Variants in SAMMSON observed in about 807,000 individuals in gnomAD.
SAMMSON encodes the protein survival associated mitochondrial melanoma specific oncogenic non-coding RNA.
intron 2 of SAMMSON, among the ~76,000 whole-genome samples, chr3:70,407,221 AC>A (rs1428222817): frequency 6.6e-6 from 1 of 152,162 alleles, no homozygotes; most frequent in Non-Finnish European, 1.5e-5. Flanking sequence ...TTGAGTGAGA[AC>A]ACATCCAAGC....
intron 4 of SAMMSON, among the ~76,000 whole-genome samples, chr3:70,148,368 G>A (rs140521956): frequency 4.2e-4 from 64 of 152,180 alleles, no homozygotes; most frequent in African/African-American, 1.2e-3. Context: ...TGTCATGAAA[G>A]GTAATTTGTT....
At chr3:70,421,259 A>C (rs189124855) in intron 2 of SAMMSON, among the ~76,000 whole-genome samples, 1 of 152,172 alleles carries the variant, frequency 6.6e-6, no homozygotes, top group Non-Finnish European at 1.5e-5. Context: ...AAAAAGCTGC[A>C]TATGCTGAAA....
At chr3:70,258,620 G>T (rs1701839618) in intron 6 of SAMMSON, among the ~76,000 whole-genome samples, 1 of 152,038 alleles carries the variant, frequency 6.6e-6, no homozygotes, top group Non-Finnish European at 1.5e-5. Flanking sequence ...ATATTCATAT[G>T]CTCTGACTTA....
At chr3:70,348,076 T>C (rs1702765813) in intron 7 of SAMMSON, among the ~76,000 whole-genome samples, 1 of 151,822 alleles carries the variant, frequency 6.6e-6, no homozygotes, top group South Asian at 2.1e-4. Flanking sequence ...TGTTAAAAAG[T>C]GGTAAGTGCT....
At chr3:70,241,379 C>T (rs1701666338) in intron 4 of SAMMSON, among the ~76,000 whole-genome samples, 1 of 152,092 alleles carries the variant, frequency 6.6e-6, no homozygotes, top group Non-Finnish European at 1.5e-5. Flanking sequence ...TATATGCATT[C>T]ATATTTTGAG....
intron 4 of SAMMSON, among the ~76,000 whole-genome samples, chr3:70,137,867 AT>A (rs2067512411): frequency 6.6e-6 from 1 of 152,198 alleles, no homozygotes; most frequent in South Asian, 2.1e-4. Flanking sequence ...GGATAGCCAC[AT>A]TTCACATGTG....
intron 4 of SAMMSON, among the ~76,000 whole-genome samples, chr3:70,123,690 C>T (rs1330623704): frequency 1.3e-5 from 2 of 152,230 alleles, no homozygotes; most frequent in African/African-American, 4.8e-5. Context: ...TGTCACTGCT[C>T]ACATGTCACC....
chr3:70,291,549 T>G (rs149711533), intron 7 of SAMMSON, among the ~76,000 whole-genome samples: 1 of 152,314 alleles, frequency 6.6e-6, no homozygotes, highest in African/African-American at 2.4e-5. Flanking sequence ...CATCACATTC[T>G]GAGATTCTCA....
In SAMMSON at chr3:70,285,926, T is replaced by G. The variant is rs1000985301; in HGVS notation, n.675-5253T>G. 2.6e-5 allele frequency among the ~76,000 whole-genome samples: 4 copies of G among 151,304 alleles called. No homozygotes were observed. The South Asian group carries it at 6.3e-4, about 24-fold the overall frequency. On this transcript the variant is annotated intron_variant and non_coding_transcript_variant, in intron 6 of 9. Transcript: ENST00000642114. ...GGTTGTTTGTTTTTTTCTTGTAAAT[T>G]TGTTTGAGTTCATTGTAGATTCTGG...
chr3:70,336,116 C>T (rs2106725341), intron 7 of SAMMSON, among the ~76,000 whole-genome samples: 1 of 152,072 alleles, frequency 6.6e-6, no homozygotes, highest in East Asian at 1.9e-4. Context: ...CAAAATAGCA[C>T]TCAGCACCCA....
intron 6 of SAMMSON, among the ~76,000 whole-genome samples, chr3:70,270,276 A>G (rs1019893975): frequency 1.3e-5 from 2 of 152,230 alleles, no homozygotes; most frequent in African/African-American, 4.8e-5. Flanking sequence ...AAATCCTAGC[A>G]CATTACAAAA....
intron 7 of SAMMSON, among the ~76,000 whole-genome samples, chr3:70,311,207 C>T (rs766157327): frequency 2.6e-5 from 4 of 152,070 alleles, no homozygotes; most frequent in Non-Finnish European, 5.9e-5. Context: ...CTGAAAAAGA[C>T]GCAGCATACC....
chr3:70,336,113 G>C (rs1482222737), intron 7 of SAMMSON, among the ~76,000 whole-genome samples: 1 of 151,926 alleles, frequency 6.6e-6, no homozygotes, highest in Non-Finnish European at 1.5e-5. Flanking sequence ...GTACAAAATA[G>C]CACTCAGCAC....
chr3:70,366,192 T>C lies in SAMMSON; in HGVS notation n.913+7868T>C, dbSNP rs1435545902. Among the ~76,000 whole-genome samples, 2 of 85,054 alleles carry C rather than the reference T, an allele frequency of 2.4e-5. 1 individual carries two copies. The highest frequency in any genetic ancestry group is 5.2e-5 in the Non-Finnish European group (2 of 38,554). 55.8% of individuals were successfully genotyped at this position (85,054 alleles called of 152,430 possible). A position where few individuals can be genotyped will look rare whatever the true frequency, so the allele number is the denominator to read the frequency against. ...TTTTTAGTAGAGACGGGGTTTCACC[T>C]TGTTAGCCAGGATGGTCTCGATCTC... On this transcript the variant is annotated intron_variant and non_coding_transcript_variant, in intron 9 of 9. Transcript: ENST00000642114.
chr3:70,433,017 T>A (rs1053246250), intron 2 of SAMMSON, among the ~76,000 whole-genome samples: 2 of 152,092 alleles, frequency 1.3e-5, no homozygotes, highest in African/African-American at 4.8e-5. Flanking sequence ...TATTACTGAA[T>A]AATATACCAT....
intron 3 of SAMMSON, among the ~76,000 whole-genome samples, chr3:70,054,466 T>C (rs1044989886): frequency 6.6e-6 from 1 of 152,148 alleles, no homozygotes; most frequent in Non-Finnish European, 1.5e-5. Context: ...ATCCTGTGTC[T>C]GTTGACTTTG....
intron 4 of SAMMSON, among the ~76,000 whole-genome samples, chr3:70,233,033 A>C (rs1701575723): frequency 6.6e-6 from 1 of 152,220 alleles, no homozygotes; most frequent in East Asian, 1.9e-4. Context: ...TACTGAAAAT[A>C]CAAAAATTAG....
intron 4 of SAMMSON, among the ~76,000 whole-genome samples, chr3:70,160,502 A>G (rs916255886): frequency 1.3e-5 from 2 of 152,068 alleles, no homozygotes; most frequent in East Asian, 3.9e-4. Flanking sequence ...ACAATCGACC[A>G]TTCATAGAAG....
At chr3:70,414,808 G>A (rs1436574692) in intron 2 of SAMMSON, among the ~76,000 whole-genome samples, 1 of 152,040 alleles carries the variant, frequency 6.6e-6, no homozygotes, top group African/African-American at 2.4e-5. Flanking sequence ...ACAACTTTTA[G>A]TATTAAAAGA....
Sources: gnomAD v4.1 joint callset for allele counts (sites outside exome capture counted in the v4.1 genomes callset) on GRCh38, gnomAD v4.1.1 for gene constraint, MANE v1.5 for transcripts, NCBI Gene and HGNC (gene_info 2026-07-23, HGNC 2026-07-21) for gene names.